The following RIMS2 variants were observed in gnomAD, a reference collection of about 807,000 sequenced individuals.
RIMS2 encodes the protein regulating synaptic membrane exocytosis protein 2.
RIMS2 carries 59 observed loss-of-function variants against 174.4 expected under a neutral mutation model. The ratio of observed to expected loss-of-function variants is 0.34; its 90% CI spans 0.27 to 0.42. The LOEUF (loss-of-function observed/expected upper bound fraction) is 0.42. Among genes scored for constraint, RIMS2 ranks in the 10% least tolerant of loss-of-function variants. The pLI, the probability that RIMS2 is intolerant of heterozygous loss-of-function variation, is 1.00. For missense variants in RIMS2, 1,620 were observed against 1,666.3 expected (o/e 0.97, Z 0.48); for synonymous variants, 606 against 572.5 (o/e 1.06, Z -0.84).
chr8:104,032,531 A>G (rs1476157196), intron 19 of RIMS2, among the ~76,000 whole-genome samples: 2 of 152,084 alleles, frequency 1.3e-5, no homozygotes, highest in East Asian at 3.8e-4. Context: ...AAATGGATTA[A>G]GTAGAAGACA....
chr8:103,605,778 T>A (rs2095041707), intron 1 of RIMS2, among the ~76,000 whole-genome samples: 1 of 152,044 alleles, frequency 6.6e-6, no homozygotes, highest in Non-Finnish European at 1.5e-5. Flanking sequence ...ATTTTCTAGT[T>A]TATTTGCATA....
intron 1 of RIMS2, among the ~76,000 whole-genome samples, chr8:103,684,536 CTTTTTTTATT>C (rs1378031118): frequency 1.2e-4 from 16 of 138,006 alleles, no homozygotes; most frequent in African/African-American, 3.3e-4. Flanking sequence ...CTGGTTCATA[CTTTTTTTATT>C]TTATTTTATT....
At chr8:103,831,842 A>G (rs1365568050) in intron 3 of RIMS2, among the ~76,000 whole-genome samples, 2 of 152,212 alleles carry the variant, frequency 1.3e-5, no homozygotes, top group Admixed American at 6.5e-5. Context: ...GAAAAAGAGT[A>G]TTTATCAGTT....
intron 19 of RIMS2, among the ~76,000 whole-genome samples, chr8:104,147,680 A>G (rs1230536071): frequency 6.6e-6 from 1 of 152,216 alleles, no homozygotes; most frequent in Admixed American, 6.5e-5. Context: ...ATTGATGTGT[A>G]AATAAGTATT....
chr8:103,982,491 C>A (rs1384353806), intron 16 of RIMS2, among the ~76,000 whole-genome samples: 46 of 127,866 alleles, frequency 3.6e-4, no homozygotes, highest in South Asian at 5.0e-4. Flanking sequence ...TGCAGAAATC[C>A]AAAAAAAAAA....
chr8:103,987,887 C>T (rs913132821), intron 16 of RIMS2, among the ~76,000 whole-genome samples: 1 of 152,164 alleles, frequency 6.6e-6, no homozygotes, highest in African/African-American at 2.4e-5. Context: ...TAAGAATTCA[C>T]AGGATCTTTT....
intron 19 of RIMS2, among the ~76,000 whole-genome samples, chr8:104,118,849 C>A (rs1015753246): frequency 6.6e-6 from 1 of 152,094 alleles, no homozygotes; most frequent in East Asian, 1.9e-4. Context: ...TGTGTCTTCA[C>A]GTGGCAGAAA....
intron 19 of RIMS2, among the ~76,000 whole-genome samples, chr8:104,228,124 G>A (rs1225746064): frequency 6.6e-6 from 1 of 151,226 alleles, no homozygotes; most frequent in Non-Finnish European, 1.5e-5. Context: ...CGCCTCCCAG[G>A]TTCACACCAT....
intron 19 of RIMS2, among the ~76,000 whole-genome samples, chr8:104,184,275 T>C (rs1029980335): frequency 6.6e-6 from 1 of 151,652 alleles, no homozygotes; most frequent in African/African-American, 2.4e-5. Context: ...ATATCCACAC[T>C]CTACTTAGTT....
intron 13 of RIMS2, among the ~76,000 whole-genome samples, chr8:103,941,087 A>G (rs1565436602): frequency 6.6e-6 from 1 of 152,176 alleles, no homozygotes; most frequent in Non-Finnish European, 1.5e-5. Flanking sequence ...TATGCAACTC[A>G]GGGTTAATAT....
At chr8:103,869,105 ATTGTG>A (rs967024502) in intron 3 of RIMS2, among the ~76,000 whole-genome samples, 11 of 151,988 alleles carry the variant, frequency 7.2e-5, no homozygotes, top group African/African-American at 2.4e-4. Context: ...GAGTGTTCAC[ATTGTG>A]TTTAAGAACA....
At chr8:103,654,198 TAATC>T (rs1347979786) in intron 1 of RIMS2, among the ~76,000 whole-genome samples, 1 of 151,968 alleles carries the variant, frequency 6.6e-6, no homozygotes, top group African/African-American at 2.4e-5. Context: ...GTTTTGAAAA[TAATC>T]AAGACTGTGC....
intron 19 of RIMS2, among the ~76,000 whole-genome samples, chr8:104,023,826 G>A (rs2096177150): frequency 6.6e-6 from 1 of 152,182 alleles, no homozygotes; most frequent in Non-Finnish European, 1.5e-5. Flanking sequence ...GGTCCAAGAA[G>A]TGTAAACTGG....
intron 14 of RIMS2, among the ~76,000 whole-genome samples, chr8:103,957,120 C>T (rs866478377): frequency 4.1e-5 from 6 of 147,974 alleles, no homozygotes; most frequent in South Asian, 2.1e-4. Context: ...GAGAGGATAT[C>T]GAGAAATAGG....
intron 1 of RIMS2, among the ~76,000 whole-genome samples, chr8:103,590,479 TCC>T (rs1264102862): frequency 3.3e-5 from 5 of 151,330 alleles, no homozygotes; most frequent in Non-Finnish European, 7.4e-5. Flanking sequence ...CTATTGCACA[TCC>T]TTACATGTCA....
chr8:103,791,702 C>T (rs941073575), intron 3 of RIMS2, among the ~76,000 whole-genome samples: 1 of 151,872 alleles, frequency 6.6e-6, no homozygotes, highest in African/African-American at 2.4e-5. Context: ...CACACATAGA[C>T]TCAAAATAAA....
intron 14 of RIMS2, among the ~76,000 whole-genome samples, chr8:103,946,599 C>T (rs190709574): frequency 3.4e-4 from 51 of 152,172 alleles, no homozygotes; most frequent in African/African-American, 1.2e-3. Flanking sequence ...AAACATTGTT[C>T]AGAGAAATGA....
chr8:104,204,358 G>T (rs1380391592), intron 19 of RIMS2, among the ~76,000 whole-genome samples: 1 of 152,092 alleles, frequency 6.6e-6, no homozygotes, highest in Non-Finnish European at 1.5e-5. Context: ...CCTGAATGTG[G>T]GATTAACTTG....
intron 3 of RIMS2, among the ~76,000 whole-genome samples, chr8:103,821,058 T>G (rs1053372584): frequency 7.9e-5 from 12 of 151,544 alleles, no homozygotes; most frequent in African/African-American, 2.9e-4. Flanking sequence ...GCCAAGAATT[T>G]GTGTGTAAAT....
Sources: allele counts gnomAD v4.1 joint callset (sites outside exome capture counted in the v4.1 genomes callset), GRCh38; gene constraint gnomAD v4.1.1; transcripts MANE v1.5; gene names NCBI Gene and HGNC (gene_info 2026-07-23, HGNC 2026-07-21).